The following PRKAR2A variants were observed in gnomAD, a reference collection of about 807,000 sequenced individuals.
The protein encoded by PRKAR2A is cAMP-dependent protein kinase type II-alpha regulatory subunit.
PRKAR2A carries 29 observed loss-of-function variants against 51.9 expected under a neutral mutation model. The observed-to-expected ratio is 0.56, with a 90% CI of 0.42 to 0.76. The LOEUF (loss-of-function observed/expected upper bound fraction) is 0.76. Ranked by LOEUF, PRKAR2A falls within the 30% of genes least tolerant of loss-of-function variation. The probability of loss-of-function intolerance (pLI) is 0.00; values close to 1 mark genes in which losing one functional copy is unlikely to be tolerated. For missense variants in PRKAR2A, 445 were observed against 512.1 expected, an observed-to-expected ratio of 0.87 and a Z score of 1.26; for synonymous variants, 178 against 186.2, an observed-to-expected ratio of 0.96 and a Z score of 0.36.
intron 10 of PRKAR2A, 119 bp downstream of exon 10, chr3:48,752,057 C>T: frequency 8.2e-7 from 1 of 1,216,926 alleles, no homozygotes; most frequent in Non-Finnish European, 1.1e-6. Context: ...TGGTTGGTCA[C>T]ATAAACTGCC....
chr3:48,765,672 C>T (rs1397102551), intron 6 of PRKAR2A, among the ~76,000 whole-genome samples: 1 of 123,904 alleles, frequency 8.1e-6, no homozygotes, highest in Non-Finnish European at 1.6e-5. Flanking sequence ...TCTAGTGAGC[C>T]GAGATCATGT....
chr3:48,746,108 C>T (rs766615051), downstream of PRKAR2A, among the ~76,000 whole-genome samples: 3 of 152,080 alleles, frequency 2.0e-5, no homozygotes, highest in Admixed American at 1.3e-4. Flanking sequence ...CAGGCCTTCA[C>T]ATTTGAACTG....
At chr3:48,779,613 TC>T (rs2082160945) in intron 5 of PRKAR2A, among the ~76,000 whole-genome samples, 1 of 151,316 alleles carries the variant, frequency 6.6e-6, no homozygotes, top group South Asian at 2.1e-4. Context: ...AAACCCCATC[TC>T]CACTAAAATA....
chr3:48,847,401 G>T lies in PRKAR2A; in HGVS notation c.196C>A (p.Pro66Thr), dbSNP rs200759322. Residue 66 changes from proline (P) to threonine (T), a missense_variant, in exon 1 of 11, where the codon CCC becomes ACC. Coordinates refer to ENST00000265563, the MANE Select transcript of PRKAR2A (RefSeq NM_004157.4). This position sits in a 1 kb window ranked among gnomAD's most constrained non-coding sequence, Gnocchi z 4.4. ...RQSLGHPPPE[P>T]GPDRVADAKG... ...GCGTCGGCGACACGGTCCGGGCCGGGTTCTGGCGGGGGGTGGCCCAGGCTC... is the reference window on the plus strand; with the variant it reads ...GCGTCGGCGACACGGTCCGGGCCGGTTTCTGGCGGGGGGTGGCCCAGGCTC... 1.1e-5 allele frequency: 18 copies of T among 1,607,646 alleles called. No homozygotes were observed. The highest frequency in any genetic ancestry group is 5.9e-6 in the Non-Finnish European group (7 of 1,177,302).
chr3:48,807,390 T>C (rs2082689392), intron 2 of PRKAR2A, among the ~76,000 whole-genome samples: 1 of 152,158 alleles, frequency 6.6e-6, no homozygotes, highest in East Asian at 1.9e-4. Context: ...AAATCATTTT[T>C]TGAAGCTGTA....
chr3:48,778,999 G>A (rs774901061), intron 5 of PRKAR2A, among the ~76,000 whole-genome samples: 2 of 151,718 alleles, frequency 1.3e-5, no homozygotes, highest in Non-Finnish European at 2.9e-5. Flanking sequence ...CTAATTTTTT[G>A]TATTTTTAGT....
At chr3:48,807,482 T>C (rs2082691032) in intron 2 of PRKAR2A, among the ~76,000 whole-genome samples, 167 bp downstream of exon 2, 2 of 152,294 alleles carry the variant, frequency 1.3e-5, no homozygotes, top group South Asian at 4.1e-4. Flanking sequence ...CGTACATACA[T>C]ACTCAGAACT....
Position 48,803,942 on chromosome 3 carries a change from C to T in PRKAR2A, c.298+3707G>A, listed in dbSNP as rs540603763. ...TTGTGCCACTGTACTCTAGCCTGGG[C>T]GACAAGGCAAGACTCTGTCTCAAAA... On this transcript the variant is annotated intron_variant, in intron 2 of 10. Transcript: ENST00000265563. Among the ~76,000 whole-genome samples the T allele has an allele frequency of 5.9e-5, 9 of 151,606 alleles. No homozygotes were observed. In the East Asian group the frequency reaches 1.6e-3, roughly 26 times the overall value.
Position 48,847,829 on chromosome 3 carries a change from C to T in PRKAR2A, c.-233G>A. On this transcript the variant is annotated 5_prime_UTR_variant, in exon 1 of 11. Transcript: ENST00000265563. The surrounding 1 kb of genome is among the most constrained non-coding windows in gnomAD (Gnocchi z 4.4). ...TGGGCAGCCGCCGCCGCCGCGGGGACCGACGGGCAGGCGAGCTGGACGGGC... is the reference window on the plus strand; with the variant it reads ...TGGGCAGCCGCCGCCGCCGCGGGGATCGACGGGCAGGCGAGCTGGACGGGC... The T allele has an allele frequency of 2.6e-6, 1 of 384,432 alleles. No individual in the cohort carries two copies. The highest frequency in any genetic ancestry group is 4.5e-6 in the Non-Finnish European group (1 of 223,090). 23.8% of individuals were successfully genotyped at this position (384,432 alleles called of 1,614,324 possible). A position where few individuals can be genotyped will look rare whatever the true frequency, so the allele number is the denominator to read the frequency against.
intron 1 of PRKAR2A, among the ~76,000 whole-genome samples, chr3:48,823,148 C>T (rs1260883271): frequency 6.6e-6 from 1 of 151,802 alleles, no homozygotes. Flanking sequence ...TCAAAGCAAT[C>T]GCCCGCCTCA....
At chr3:48,798,869 C>A (rs2082539948) in intron 2 of PRKAR2A, among the ~76,000 whole-genome samples, 1 of 152,064 alleles carries the variant, frequency 6.6e-6, no homozygotes, top group Non-Finnish European at 1.5e-5. Flanking sequence ...TCATGTCGGC[C>A]AGGCTGGTCT....
intron 8 of PRKAR2A, among the ~76,000 whole-genome samples, chr3:48,758,262 A>G (rs1559602238): frequency 2.7e-5 from 4 of 150,602 alleles, no homozygotes; most frequent in Non-Finnish European, 1.5e-5. Context: ...CATCTCAAAA[A>G]AAAAAAAGAA....
At chr3:48,755,605 T>A (rs938195736) in intron 9 of PRKAR2A, among the ~76,000 whole-genome samples, 1 of 151,064 alleles carries the variant, frequency 6.6e-6, no homozygotes, top group Admixed American at 6.6e-5. Flanking sequence ...CCCTATTTTC[T>A]TTCCTTTTTT....
Position 48,783,860 on chromosome 3 carries a change from C to T in PRKAR2A, c.436-768G>A, listed in dbSNP as rs747425116. ...CTTCCCAAAGTGCTAGGATTACAGA[C>T]GTGAGCCACCACGTCCGGTGAACTC... is the stretch of plus-strand genomic sequence containing the variant. On this transcript the variant is annotated intron_variant, in intron 4 of 10. Coordinates refer to ENST00000265563, the MANE Select transcript of PRKAR2A (RefSeq NM_004157.4). Among the ~76,000 whole-genome samples the T allele has an allele frequency of 1.1e-4, 16 of 152,202 alleles. No individual in the cohort carries two copies. In the East Asian group the frequency reaches 1.7e-3, roughly 17 times the overall value.
chr3:48,809,393 C>T (rs2082733219), intron 1 of PRKAR2A, among the ~76,000 whole-genome samples: 1 of 151,678 alleles, frequency 6.6e-6, no homozygotes, highest in Non-Finnish European at 1.5e-5. Flanking sequence ...AAGTTCGAGA[C>T]TAGCCTGGCA....
chr3:48,774,840 C>T (rs2082082324), intron 5 of PRKAR2A, among the ~76,000 whole-genome samples: 1 of 152,076 alleles, frequency 6.6e-6, no homozygotes, highest in African/African-American at 2.4e-5. Context: ...TCCCTCCCTC[C>T]CTCTCTTCCT....
At chr3:48,806,727 T>C (rs1425588958) in intron 2 of PRKAR2A, among the ~76,000 whole-genome samples, 1 of 152,052 alleles carries the variant, frequency 6.6e-6, no homozygotes, top group East Asian at 1.9e-4. Context: ...ATTACCAAAC[T>C]AGTACCATAT....
chr3:48,764,377 AAGTT>A (rs2081906788), intron 8 of PRKAR2A, among the ~76,000 whole-genome samples: 1 of 152,164 alleles, frequency 6.6e-6, no homozygotes, highest in South Asian at 2.1e-4. Flanking sequence ...CAAATATAGA[AAGTT>A]AGAGGACAGA....
intron 6 of PRKAR2A, among the ~76,000 whole-genome samples, chr3:48,771,817 T>C (rs1484853342): frequency 6.6e-6 from 1 of 152,182 alleles, no homozygotes; most frequent in Non-Finnish European, 1.5e-5. Flanking sequence ...ATGTTCATTC[T>C]GTTGTTGCTG....
Sources: allele counts gnomAD v4.1 joint callset (sites outside exome capture counted in the v4.1 genomes callset), GRCh38; gene constraint gnomAD v4.1.1; non-coding constraint Gnocchi (gnomAD v3.1); transcripts MANE v1.5; gene names NCBI Gene and HGNC (gene_info 2026-07-23, HGNC 2026-07-21).